The following HACD4 variants were observed in gnomAD, a reference collection of about 807,000 sequenced individuals.
The protein encoded by HACD4 is 3-hydroxyacyl-CoA dehydratase 4.
In HACD4, 35 loss-of-function variants were observed where a neutral mutation model predicts 33.3. The observed-to-expected ratio is 1.05, with a 90% CI of 0.80 to 1.39. The LOEUF (loss-of-function observed/expected upper bound fraction) is 1.39, where lower values mean the gene tolerates loss of function less well. Ranked by LOEUF, HACD4 falls within the 40% of genes most tolerant of loss-of-function variation. The pLI, the probability that HACD4 is intolerant of heterozygous loss-of-function variation, is 0.00. For missense variants in HACD4, 323 were observed against 276.5 expected, an observed-to-expected ratio of 1.17 and a Z score of -1.19; for synonymous variants, 118 against 98.0, an observed-to-expected ratio of 1.20 and a Z score of -1.21.
In HACD4 at chr9:21,015,902, C is replaced by A; in HGVS notation, c.379G>T (p.Val127Phe). 6.2e-7 allele frequency: 1 copy of A among 1,604,036 alleles called. No individual in the cohort carries two copies. Among genetic ancestry groups the A allele is most frequent in the Non-Finnish European group, 8.5e-7 (1 of 1,171,290 alleles). ...LFVFWNLLDM[V>F]RYTYSMLSVI... ...GAGATTATTTTGCCTTCTTACCTAA[C>A]CATATCCAATAGATTCCAAAAGACG... The change falls in exon 4 of 7, where the codon GTT (valine) becomes TTT (phenylalanine). Residue 127 changes from valine (V) to phenylalanine (F), a missense_variant. Physicochemically the swap from Val to Phe is conservative, Grantham distance 50. Transcript: ENST00000495827.
Position 21,016,013 on chromosome 9 carries a change from A to G in HACD4, c.271-3T>C. ...AGGATGATTATTCTTTCTGTGAGCT[A>G]ACAAAGAAACAGCAAAGTCAGAAAT... On this transcript the variant is annotated splice_polypyrimidine_tract_variant and splice_region_variant and intron_variant, in intron 3 of 6. Transcript: ENST00000495827. 1 of 1,597,268 alleles carries G rather than the reference A, an allele frequency of 6.3e-7. No individual in the cohort carries two copies. The highest frequency in any genetic ancestry group is 8.6e-7 in the Non-Finnish European group (1 of 1,165,488).
intron 3 of HACD4, among the ~76,000 whole-genome samples, chr9:21,023,901 ATC>A (rs1251218530): frequency 2.6e-5 from 4 of 152,216 alleles, no homozygotes; most frequent in East Asian, 1.9e-4. Context: ...GAAGGTAATA[ATC>A]AAAATCACAT....
Position 21,001,750 on chromosome 9 carries a change from C to T in HACD4, c.*5287G>A, listed in dbSNP as rs1294192347. On this transcript the variant is annotated 3_prime_UTR_variant, in exon 7 of 7. Coordinates refer to ENST00000495827, the MANE Select transcript of HACD4 (RefSeq NM_001010915.5). ...TGTTAGGAAAAAAATATATCATCAA[C>T]CACATTTCCTGTATTTGACAAAACT... The T allele has an allele frequency of 6.6e-6, 1 of 152,096 alleles. No homozygotes were observed. The highest frequency in any genetic ancestry group is 6.6e-5 in the Admixed American group (1 of 15,246). 9.4% of individuals were successfully genotyped at this position (152,096 alleles called of 1,614,324 possible). A position where few individuals can be genotyped will look rare whatever the true frequency, so the allele number is the denominator to read the frequency against.
intron 3 of HACD4, among the ~76,000 whole-genome samples, chr9:21,024,385 C>G (rs116096672): frequency 0.012 from 1,854 of 152,356 alleles, 34 homozygotes; most frequent in African/African-American, 0.039. Flanking sequence ...ATCATTTGCA[C>G]TCCGATAACA....
intron 3 of HACD4, 76 bp from the exon 4 acceptor site, chr9:21,016,086 A>G (rs1284292234): frequency 2.1e-6 from 2 of 930,566 alleles, no homozygotes; most frequent in South Asian, 1.4e-5. Context: ...TTTGAAAACC[A>G]GATCTCCTTT....
chr9:21,027,720 T>C lies in HACD4; in HGVS notation c.143-997A>G, dbSNP rs1587841392. On this transcript the variant is annotated intron_variant, in intron 2 of 6. Coordinates refer to ENST00000495827, the MANE Select transcript of HACD4 (RefSeq NM_001010915.5). ...TTGAGCTACTTACATAATTTATACA[T>C]TGATTCAAAAATTGTACTGAAACCA... 3.3e-5 allele frequency among the ~76,000 whole-genome samples: 5 copies of C among 152,366 alleles called. No individual in the cohort carries two copies. In the South Asian group the frequency reaches 8.3e-4, roughly 25 times the overall value.
intron 3 of HACD4, 118 bp downstream of exon 3, chr9:21,026,478 T>C: frequency 1.3e-6 from 1 of 786,428 alleles, no homozygotes; most frequent in Non-Finnish European, 2.1e-6. Context: ...TTAATTCTCC[T>C]TATCAGTGAC....
At chr9:21,015,306 ACACCTCCC>A (rs1187077148) in intron 4 of HACD4, 1 of 152,194 alleles carries the variant, frequency 6.6e-6, no homozygotes, top group African/African-American at 2.4e-5. Context: ...AGCAGTTAGG[ACACCTCCC>A]CAGAGTGAGG....
intron 5 of HACD4, among the ~76,000 whole-genome samples, chr9:21,009,164 C>T (rs140416782): frequency 1.8e-4 from 28 of 152,170 alleles, no homozygotes; most frequent in African/African-American, 6.3e-4. Context: ...TTAAAGTTAT[C>T]GAAAGTTTAG....
At position 21,007,027 on chromosome 9, in the gene HACD4, A is replaced by G. The variant is rs554564706; in HGVS notation, c.*10T>C. ...CTGTCTTTTCTCGTGTCACACTGGA[A>G]TGCTGTACTTCACATCTTCTTTTTT... On this transcript the variant is annotated 3_prime_UTR_variant, in exon 7 of 7. Coordinates refer to ENST00000495827, the MANE Select transcript of HACD4 (RefSeq NM_001010915.5). 3.0e-5 allele frequency: 44 copies of G among 1,472,234 alleles called. 1 individual carries two copies. The Admixed American group carries it at 5.7e-4, about 19-fold the overall frequency. 91.2% of individuals were successfully genotyped at this position (1,472,234 alleles called of 1,614,324 possible). A position where few individuals can be genotyped will look rare whatever the true frequency, so the allele number is the denominator to read the frequency against.
At chr9:21,020,783 T>C (rs979822470) in intron 3 of HACD4, among the ~76,000 whole-genome samples, 12 of 152,182 alleles carry the variant, frequency 7.9e-5, no homozygotes, top group African/African-American at 2.7e-4. Context: ...ATTTCAAAAA[T>C]TGGAAGTCCA....
At chr9:21,013,298 T>C (rs1340976491) in intron 4 of HACD4, among the ~76,000 whole-genome samples, 2 of 152,208 alleles carry the variant, frequency 1.3e-5, no homozygotes, top group African/African-American at 4.8e-5. Context: ...TCTTTCCCCA[T>C]TGAATGGTCT....
intron 4 of HACD4, among the ~76,000 whole-genome samples, chr9:21,013,788 A>C (rs1236593362): frequency 6.6e-6 from 1 of 152,110 alleles, no homozygotes; most frequent in African/African-American, 2.4e-5. Flanking sequence ...ATTTCATTTT[A>C]TGGTAGTTAA....
intron 5 of HACD4, 49 bp from the exon 6 acceptor site, chr9:21,008,195 C>T: frequency 1.3e-6 from 2 of 1,536,964 alleles, no homozygotes; most frequent in Non-Finnish European, 1.8e-6. Flanking sequence ...TAAGTTGTTA[C>T]AGGGATGTGT....
intron 3 of HACD4, among the ~76,000 whole-genome samples, chr9:21,020,836 T>TA (rs1188503302): frequency 6.6e-6 from 1 of 152,200 alleles, no homozygotes; most frequent in Admixed American, 6.5e-5. Context: ...CCAAAGCGTA[T>TA]AAAAAAATAA....
chr9:21,013,875 T>C (rs949802732), intron 4 of HACD4, among the ~76,000 whole-genome samples: 2 of 152,228 alleles, frequency 1.3e-5, no homozygotes, highest in Non-Finnish European at 2.9e-5. Context: ...CCAATAGAGA[T>C]AGTTTTACTT....
Position 21,000,310 on chromosome 9 carries a change from C to T in HACD4, c.*6727G>A, listed in dbSNP as rs1343396197. On this transcript the variant is annotated 3_prime_UTR_variant, in exon 7 of 7. Transcript: ENST00000495827. ...AACTACTATTTAAGGATTTTTAAAG[C>T]CATAAAAAATCATCCCTGTTCTGAA... 1 of 152,078 alleles carries T rather than the reference C, an allele frequency of 6.6e-6. No homozygotes were observed. Among genetic ancestry groups the T allele is most frequent in the African/African-American group, 2.4e-5 (1 of 41,424 alleles). 9.4% of individuals were successfully genotyped at this position (152,078 alleles called of 1,614,324 possible).
intron 5 of HACD4, among the ~76,000 whole-genome samples, chr9:21,008,956 T>C (rs1382478613): frequency 6.6e-6 from 1 of 152,104 alleles, no homozygotes; most frequent in Non-Finnish European, 1.5e-5. Flanking sequence ...TCACAACTGT[T>C]AGAGCCAAGC....
At chr9:21,024,034 T>G (rs1406631031) in intron 3 of HACD4, among the ~76,000 whole-genome samples, 1 of 152,260 alleles carries the variant, frequency 6.6e-6, no homozygotes, top group Non-Finnish European at 1.5e-5. Flanking sequence ...TCTGAAAGTT[T>G]TGTTTCATTA....
Sources: gnomAD v4.1 joint callset for allele counts (sites outside exome capture counted in the v4.1 genomes callset) on GRCh38, gnomAD v4.1.1 for gene constraint, MANE v1.5 for transcripts, NCBI Gene and HGNC (gene_info 2026-07-23, HGNC 2026-07-21) for gene names.